CHCHD6: variants seen among roughly 807,000 people sequenced by gnomAD.
The protein encoded by CHCHD6 is coiled-coil-helix-coiled-coil-helix domain containing 6, also known as MICOS complex subunit MIC25.
Under a neutral mutation model 32.3 loss-of-function variants are expected in CHCHD6, and 28 were observed. The ratio of observed to expected loss-of-function variants is 0.87; its 90% CI spans 0.64 to 1.19. The LOEUF (loss-of-function observed/expected upper bound fraction) is 1.19, where lower values mean the gene tolerates loss of function less well. Among genes scored for constraint, CHCHD6 ranks in the 50% most tolerant of loss-of-function variants. The pLI is 0.00. For missense variants in CHCHD6, 333 were observed against 307.0 expected, an observed-to-expected ratio of 1.08 and a Z score of -0.63; for synonymous variants, 122 against 117.5, an observed-to-expected ratio of 1.04 and a Z score of -0.25.
intron 4 of CHCHD6, among the ~76,000 whole-genome samples, chr3:126,737,390 G>GTATATATATATATATA (rs60896630): frequency 1.4e-3 from 186 of 132,568 alleles, no homozygotes; most frequent in East Asian, 2.8e-3. Flanking sequence ...TGATGTGTGA[G>GTATATATATATATATA]TATATATATA....
chr3:126,805,181 G>C (rs1939302768), intron 4 of CHCHD6, among the ~76,000 whole-genome samples: 1 of 152,198 alleles, frequency 6.6e-6, no homozygotes, highest in Non-Finnish European at 1.5e-5. Context: ...ATTCAACATA[G>C]TGTTGGAAGT....
At chr3:126,783,909 T>C (rs776026188) in intron 4 of CHCHD6, among the ~76,000 whole-genome samples, 1 of 152,092 alleles carries the variant, frequency 6.6e-6, no homozygotes, top group Non-Finnish European at 1.5e-5. Flanking sequence ...TTAAGGAACT[T>C]GGATCAGAAA....
In CHCHD6 at chr3:126,733,088, G is replaced by C; in HGVS notation, c.277G>C (p.Glu93Gln). ...GTTTCTTCTGCACAGGTATGAACAGGAGCATGCTGCTATCCAGGATAAGCT... is the reference window on the plus strand; with the variant it reads ...GTTTCTTCTGCACAGGTATGAACAGCAGCATGCTGCTATCCAGGATAAGCT... The part of the protein sequence containing the change: ...MKEGVKRYEQ[E>Q]HAAIQDKLFQ... Residue 93 changes from glutamate to glutamine, a missense_variant, in exon 4 of 8, where the codon GAG (glutamate) becomes CAG (glutamine). By Grantham distance (29) the Glu-to-Gln change is conservative. Transcript: ENST00000290913. The C allele has an allele frequency of 6.2e-7, 1 of 1,614,226 alleles. No individual in the cohort carries two copies. The highest frequency in any genetic ancestry group is 1.6e-4 in the Middle Eastern group (1 of 6,062).
chr3:126,756,270 A>G (rs1559825424), intron 4 of CHCHD6, among the ~76,000 whole-genome samples: 1 of 152,218 alleles, frequency 6.6e-6, no homozygotes, highest in Non-Finnish European at 1.5e-5. Context: ...TGATTCTGTT[A>G]AATACACCCA....
At chr3:126,935,163 A>G in intron 6 of CHCHD6, 1 of 987,616 alleles carries the variant, frequency 1.0e-6, no homozygotes, top group Non-Finnish European at 1.2e-6. Flanking sequence ...GTGCCTTTGG[A>G]AACATTTCTG....
chr3:126,757,615 G>A (rs1937011709), intron 4 of CHCHD6, among the ~76,000 whole-genome samples: 1 of 152,216 alleles, frequency 6.6e-6, no homozygotes, highest in African/African-American at 2.4e-5. Context: ...TAGATATCTT[G>A]AGGTAGGTAC....
chr3:126,705,020 C>T (rs1459873277), intron 1 of CHCHD6, among the ~76,000 whole-genome samples: 1 of 152,180 alleles, frequency 6.6e-6, no homozygotes, highest in Non-Finnish European at 1.5e-5. Context: ...GTGGCACCCG[C>T]ACCTCGTCCC....
intron 4 of CHCHD6, among the ~76,000 whole-genome samples, chr3:126,738,071 C>T (rs1452819632): frequency 2.6e-5 from 4 of 152,166 alleles, no homozygotes; most frequent in African/African-American, 9.7e-5. Context: ...ACCTAAGGAT[C>T]CCACCAGTAG....
chr3:126,927,088 A>G (rs1017973812), intron 6 of CHCHD6, among the ~76,000 whole-genome samples: 1 of 152,172 alleles, frequency 6.6e-6, no homozygotes, highest in Non-Finnish European at 1.5e-5. Flanking sequence ...CTGACATTCA[A>G]GCAGAACTGA....
chr3:126,801,062 T>C (rs1199275157), intron 4 of CHCHD6, among the ~76,000 whole-genome samples: 1 of 152,184 alleles, frequency 6.6e-6, no homozygotes, highest in Non-Finnish European at 1.5e-5. Context: ...CCGATATAAA[T>C]GTGAGACTAG....
chr3:126,884,904 G>A (rs979372025), intron 5 of CHCHD6, among the ~76,000 whole-genome samples: 1 of 152,340 alleles, frequency 6.6e-6, no homozygotes, highest in Non-Finnish European at 1.5e-5. Context: ...CTGCCGACGT[G>A]TTGTTGGGTT....
intron 5 of CHCHD6, among the ~76,000 whole-genome samples, chr3:126,891,544 G>A (rs2077759775): frequency 6.6e-6 from 1 of 152,166 alleles, no homozygotes; most frequent in Non-Finnish European, 1.5e-5. Context: ...GGGATGAGAA[G>A]CAGATATGAC....
At chr3:126,874,502 C>T (rs571604537) in intron 5 of CHCHD6, among the ~76,000 whole-genome samples, 5 of 152,110 alleles carry the variant, frequency 3.3e-5, no homozygotes, top group African/African-American at 1.2e-4. Context: ...CTGGAGGGCT[C>T]CTCATCACCT....
chr3:126,838,893 T>A (rs1038495329), intron 4 of CHCHD6, among the ~76,000 whole-genome samples: 1 of 134,004 alleles, frequency 7.5e-6, no homozygotes, highest in African/African-American at 2.8e-5. Flanking sequence ...TCTTTTTTCC[T>A]TTTTTTTTTT....
chr3:126,960,137 G>A, intron 7 of CHCHD6, 59 bp from the exon 8 acceptor site: 2 of 1,550,498 alleles, frequency 1.3e-6, no homozygotes, highest in South Asian at 2.4e-5. Flanking sequence ...GATCTGCACG[G>A]AGCTGGAGGG....
intron 6 of CHCHD6, among the ~76,000 whole-genome samples, chr3:126,939,440 C>G (rs1208024471): frequency 6.6e-6 from 1 of 152,172 alleles, no homozygotes; most frequent in African/African-American, 2.4e-5. Flanking sequence ...TGATTTCATG[C>G]GCATTTCAGC....
At chr3:126,757,719 G>A (rs995348803) in intron 4 of CHCHD6, among the ~76,000 whole-genome samples, 4 of 152,130 alleles carry the variant, frequency 2.6e-5, no homozygotes, top group Non-Finnish European at 4.4e-5. Context: ...CCACAGAAGC[G>A]AGTAAGAAAT....
intron 5 of CHCHD6, among the ~76,000 whole-genome samples, chr3:126,856,229 G>C (rs1371010253): frequency 6.6e-6 from 1 of 152,210 alleles, no homozygotes; most frequent in Non-Finnish European, 1.5e-5. Flanking sequence ...GCTGCATGCA[G>C]CCCCTGGCCC....
At chr3:126,868,096 C>T (rs565536356) in intron 5 of CHCHD6, among the ~76,000 whole-genome samples, 1 of 152,360 alleles carries the variant, frequency 6.6e-6, no homozygotes, top group Non-Finnish European at 1.5e-5. Context: ...ACCCTGGAAG[C>T]CTTTTCTGAC....
Sources: allele counts gnomAD v4.1 joint callset (sites outside exome capture counted in the v4.1 genomes callset), GRCh38; gene constraint gnomAD v4.1.1; transcripts MANE v1.5; gene names NCBI Gene and HGNC (gene_info 2026-07-23, HGNC 2026-07-21).